The following ERICH3 variants were observed in gnomAD, a reference collection of about 807,000 sequenced individuals.
ERICH3 encodes the protein glutamate rich 3, also known as glutamate-rich protein 3.
ERICH3 carries 126 observed loss-of-function variants against 131.1 expected under a neutral mutation model. That is an observed-to-expected ratio of 0.96 (90% CI 0.83 to 1.11). The LOEUF is 1.11. Among genes scored for constraint, ERICH3 ranks in the 50% most tolerant of loss-of-function variants. ERICH3 has a pLI of 0.00. For synonymous variants in ERICH3, 695 were observed against 644.6 expected, an observed-to-expected ratio of 1.08 and a Z score of -1.18; for missense variants, 2,050 against 1,810.7, an observed-to-expected ratio of 1.13 and a Z score of -2.40.
intron 11 of ERICH3, among the ~76,000 whole-genome samples, chr1:74,596,350 G>C (rs1172698999): frequency 1.3e-5 from 2 of 151,418 alleles, no homozygotes; most frequent in African/African-American, 4.9e-5. Flanking sequence ...ATTTGTAATT[G>C]ACAAATAATT....
intron 3 of ERICH3, among the ~76,000 whole-genome samples, chr1:74,643,310 A>G (rs924929162): frequency 3.9e-5 from 6 of 152,136 alleles, no homozygotes; most frequent in African/African-American, 1.4e-4. Context: ...AGCAGTTAAA[A>G]GTGTTCATAA....
intron 2 of ERICH3, among the ~76,000 whole-genome samples, chr1:74,648,624 T>C (rs762230465): frequency 3.9e-5 from 6 of 152,148 alleles, no homozygotes; most frequent in Non-Finnish European, 7.4e-5. Flanking sequence ...GGTAAACAGC[T>C]AACACTTTCT....
intron 6 of ERICH3, among the ~76,000 whole-genome samples, chr1:74,636,060 C>T (rs533267836): frequency 1.3e-5 from 2 of 152,206 alleles, no homozygotes; most frequent in South Asian, 4.1e-4. Context: ...TGCATTATTA[C>T]CAATCTATTC....
chr1:74,651,972 G>A (rs559324647), intron 1 of ERICH3, among the ~76,000 whole-genome samples: 2 of 152,190 alleles, frequency 1.3e-5, no homozygotes, highest in East Asian at 1.9e-4. Flanking sequence ...CTTACAAATC[G>A]TCAAGCAGGT....
At chr1:74,596,321 T>C (rs1182747511) in intron 11 of ERICH3, among the ~76,000 whole-genome samples, 1 of 151,800 alleles carries the variant, frequency 6.6e-6, no homozygotes, top group Non-Finnish European at 1.5e-5. Context: ...TAGTCTTTTT[T>C]TTCATTACTA....
At chr1:74,622,231 GA>G (rs1396828004) in intron 7 of ERICH3, 1 of 152,150 alleles carries the variant, frequency 6.6e-6, no homozygotes, top group South Asian at 2.1e-4. Flanking sequence ...GCAACCATCT[GA>G]AAGTATAAAT....
intron 12 of ERICH3, among the ~76,000 whole-genome samples, chr1:74,578,802 T>C (rs1461966851): frequency 6.6e-6 from 1 of 152,160 alleles, no homozygotes; most frequent in Non-Finnish European, 1.5e-5. Flanking sequence ...TCTTGCTTAG[T>C]TTAAAGTGAA....
At chr1:74,581,912 A>G (rs547122073) in intron 12 of ERICH3, among the ~76,000 whole-genome samples, 1 of 152,316 alleles carries the variant, frequency 6.6e-6, no homozygotes, top group African/African-American at 2.4e-5. Context: ...TAGAGGAGAA[A>G]GGAAAGGAAA....
At chr1:74,631,962 A>G (rs774269569) in intron 6 of ERICH3, 34 bp from the exon 7 acceptor site, 1 of 1,574,274 alleles carries the variant, frequency 6.4e-7, no homozygotes, top group East Asian at 2.3e-5. Flanking sequence ...AGAACCAGTG[A>G]AACAGAATCA....
At chr1:74,669,341 C>T (rs1646720568) in intron 1 of ERICH3, among the ~76,000 whole-genome samples, 1 of 152,112 alleles carries the variant, frequency 6.6e-6, no homozygotes, top group South Asian at 2.1e-4. Flanking sequence ...TAATGCTTCT[C>T]ATTCTTCCTT....
intron 1 of ERICH3, among the ~76,000 whole-genome samples, chr1:74,665,628 A>G (rs1482002571): frequency 6.6e-6 from 1 of 152,194 alleles, no homozygotes. Flanking sequence ...TCTGAGGGCC[A>G]TGAGAGAAGA....
Position 74,606,902 on chromosome 1 carries a change from C to T in ERICH3, c.1188G>A (p.Lys396=), listed in dbSNP as rs763675440. Residue 396 remains lysine, a splice_region_variant and synonymous_variant, in exon 10 of 15, where the codon AAG becomes AAA. Transcript: ENST00000326665. ...TGTCAAGGCCCATTGCAATAATGCA[C>T]CTATGAAAAATATTAGCAGGAAGTG... ...VCVERSSPCY[K]CIIAMGLDKK... 3.7e-6 allele frequency: 6 copies of T among 1,607,010 alleles called. No homozygotes were observed. The East Asian group carries it at 8.9e-5, about 24-fold the overall frequency.
chr1:74,584,215 C>T (rs1278155615), intron 12 of ERICH3, among the ~76,000 whole-genome samples: 4 of 152,154 alleles, frequency 2.6e-5, no homozygotes, highest in South Asian at 2.1e-4. Context: ...AATTACAAAC[C>T]GAAGACCACA....
chr1:74,649,877 C>T (rs1410695673), intron 1 of ERICH3, among the ~76,000 whole-genome samples: 2 of 152,068 alleles, frequency 1.3e-5, no homozygotes, highest in African/African-American at 4.8e-5. Flanking sequence ...TCTGATATGT[C>T]CTGGCGTGCT....
rs1213850677 is a variant in ERICH3, at chr1:74,572,858, A to G, written c.2852T>C (p.Ile951Thr). Residue 951 changes from isoleucine to threonine, a missense_variant, in exon 14 of 15, where the codon ATA becomes ACA. Transcript: ENST00000326665. ...CATGGGTCCTGTGTCCTCTAGGTCT[A>G]TGGATGCTTCCTCTTCACTTTCTCC... ...DVGESEEEAS[I>T]DLEDTGPMED... is the part of the protein sequence containing the mutation. The G allele has an allele frequency of 1.2e-6, 2 of 1,613,582 alleles. No individual in the cohort carries two copies. The highest frequency in any genetic ancestry group is 8.5e-7 in the Non-Finnish European group (1 of 1,179,948).
At chr1:74,660,155 TGCTTG>T (rs753320790) in intron 1 of ERICH3, among the ~76,000 whole-genome samples, 4 of 152,126 alleles carry the variant, frequency 2.6e-5, no homozygotes, top group Non-Finnish European at 5.9e-5. Context: ...CTTCCCCTTT[TGCTTG>T]GCACTTCTCC....
rs2100654439 is a variant in ERICH3, at chr1:74,661,804, A to G, written c.23+11693T>C. Among the ~76,000 whole-genome samples, 2 of 152,230 alleles carry G rather than the reference A, an allele frequency of 1.3e-5. 1 individual carries two copies. Among genetic ancestry groups the G allele is most frequent in the South Asian group, 4.1e-4 (2 of 4,830 alleles). On this transcript the variant is annotated intron_variant, in intron 1 of 14. Transcript: ENST00000326665. The stretch of plus-strand genomic sequence containing the variant: ...GGAAGAAAATAAGAAGCAGAAATTA[A>G]CTCCCCTGAGTTTACATAAAGCATA...
At chr1:74,600,580 T>C (rs184635860) in intron 10 of ERICH3, among the ~76,000 whole-genome samples, 1 of 152,014 alleles carries the variant, frequency 6.6e-6, no homozygotes, top group East Asian at 1.9e-4. Flanking sequence ...CAAAATAGAA[T>C]ATTCCTGTCA....
chr1:74,632,665 T>C (rs1055805632), intron 6 of ERICH3, among the ~76,000 whole-genome samples: 3 of 151,922 alleles, frequency 2.0e-5, no homozygotes, highest in Non-Finnish European at 2.9e-5. Context: ...GCTTTGTTCC[T>C]ATGAGAGATC....
Sources: gnomAD v4.1 joint callset for allele counts (sites outside exome capture counted in the v4.1 genomes callset) on GRCh38, gnomAD v4.1.1 for gene constraint, MANE v1.5 for transcripts, NCBI Gene and HGNC (gene_info 2026-07-23, HGNC 2026-07-21) for gene names.